TIAM2: variants seen among roughly 807,000 people sequenced by gnomAD.
TIAM2 encodes rho guanine nucleotide exchange factor TIAM2.
A neutral mutation model predicts 152.9 loss-of-function variants in TIAM2; 80 were observed. The observed-to-expected ratio is 0.52, with a 90% confidence interval of 0.44 to 0.63. The LOEUF (loss-of-function observed/expected upper bound fraction) is 0.63, where lower values mean the gene tolerates loss of function less well. TIAM2 is among the 30% of genes least tolerant of loss of function. The pLI is 0.00. For synonymous variants in TIAM2, 804 were observed against 838.0 expected, an observed-to-expected ratio of 0.96 and a Z score of 0.70; for missense variants, 1,965 against 2,120.1, an observed-to-expected ratio of 0.93 and a Z score of 1.44.
At position 155,183,506 on chromosome 6, in the gene TIAM2, G is replaced by A. The variant is rs185902537; in HGVS notation, c.3064+6G>A. On this transcript the variant is annotated splice_donor_region_variant and intron_variant, in intron 14 of 26. Transcript: ENST00000682666. ...TAAAAAGAATACAGCCAATGGTAAG[G>A]CTTTGTTCTGTCTTCCTTCTTAACT... The A allele has an allele frequency of 1.0e-3, 1,642 of 1,602,216 alleles. 37 individuals carry two copies. In the Admixed American group the frequency reaches 0.027, roughly 26 times the overall value.
At chr6:155,147,058 A>G (rs1779834920) in intron 6 of TIAM2, among the ~76,000 whole-genome samples, 1 of 152,096 alleles carries the variant, frequency 6.6e-6, no homozygotes, top group Non-Finnish European at 1.5e-5. Context: ...TTTTATACAA[A>G]TAGTATGTGG....
intron 15 of TIAM2, among the ~76,000 whole-genome samples, chr6:155,230,340 G>C (rs992678881): frequency 6.6e-6 from 1 of 152,168 alleles, no homozygotes; most frequent in Non-Finnish European, 1.5e-5. Context: ...TTCAATTCCT[G>C]ACACACTCTG....
intron 7 of TIAM2, among the ~76,000 whole-genome samples, chr6:155,159,672 C>A (rs1054733709): frequency 4.6e-5 from 7 of 152,186 alleles, no homozygotes; most frequent in East Asian, 1.9e-4. Flanking sequence ...CTCTAAGGAA[C>A]CCGAGCTTCT....
chr6:155,229,010 A>G (rs2115262825), intron 15 of TIAM2, among the ~76,000 whole-genome samples: 1 of 152,326 alleles, frequency 6.6e-6, no homozygotes, highest in African/African-American at 2.4e-5. Flanking sequence ...CTGCCTTCTC[A>G]GGAAAGTATG....
intron 14 of TIAM2, among the ~76,000 whole-genome samples, chr6:155,195,852 T>C (rs2115175230): frequency 6.6e-6 from 1 of 152,302 alleles, no homozygotes; most frequent in South Asian, 2.1e-4. Context: ...CGATGTGGCC[T>C]GTTTTTCGGC....
intron 1 of TIAM2, among the ~76,000 whole-genome samples, chr6:155,086,963 T>TAAGTGAGTTCTAGTAAAGGAGAC (rs1778183804): frequency 6.6e-6 from 1 of 152,076 alleles, no homozygotes; most frequent in South Asian, 2.1e-4. Flanking sequence ...AGGGGAAAGG[T>TAAGTGAGTTCTAGTAAAGGAGAC]AAGTGAGTTC....
chr6:155,017,221 A>G (rs1286925686), intron 1 of TIAM2, among the ~76,000 whole-genome samples: 1 of 152,156 alleles, frequency 6.6e-6, no homozygotes, highest in African/African-American at 2.4e-5. Context: ...TTTACTTTCT[A>G]TAGGCTAATA....
intron 1 of TIAM2, among the ~76,000 whole-genome samples, chr6:155,047,402 A>T (rs1777200541): frequency 6.6e-6 from 1 of 151,872 alleles, no homozygotes; most frequent in African/African-American, 2.4e-5. Flanking sequence ...CTGGTCTCGA[A>T]CTCCTGACCT....
At chr6:155,120,706 A>T (rs528420816) in intron 2 of TIAM2, among the ~76,000 whole-genome samples, 6 of 152,308 alleles carry the variant, frequency 3.9e-5, no homozygotes, top group African/African-American at 1.4e-4. Context: ...AACTACTGAC[A>T]TATTAGGCCA....
At chr6:155,201,603 A>C (rs910992131) in intron 14 of TIAM2, among the ~76,000 whole-genome samples, 2 of 152,198 alleles carry the variant, frequency 1.3e-5, no homozygotes, top group Admixed American at 1.3e-4. Flanking sequence ...TCACTGCCAT[A>C]GCCTGCCTGG....
chr6:155,106,021 T>TA (rs57551120), intron 2 of TIAM2, among the ~76,000 whole-genome samples: 2 of 149,848 alleles, frequency 1.3e-5, no homozygotes, highest in Non-Finnish European at 3.0e-5. Flanking sequence ...TATTTTATTT[T>TA]TTTGAGAGAG....
chr6:155,055,047 G>T (rs114873788), intron 1 of TIAM2, among the ~76,000 whole-genome samples: 1,605 of 152,262 alleles, frequency 0.011, 27 homozygotes, highest in African/African-American at 0.037. Flanking sequence ...ATGATTTTTG[G>T]CTGTGGAACT....
intron 14 of TIAM2, among the ~76,000 whole-genome samples, chr6:155,202,757 G>T (rs1056351395): frequency 6.6e-6 from 1 of 151,658 alleles, no homozygotes; most frequent in Admixed American, 6.6e-5. Flanking sequence ...AGAGATTCTG[G>T]CTGGGTGCCA....
At position 155,240,706 on chromosome 6, in the gene TIAM2, G is replaced by C; in HGVS notation, c.3345G>C (p.Val1115=). Residue 1115 remains valine (V), a synonymous_variant, in exon 16 of 27, where the codon GTG becomes GTC. Coordinates refer to ENST00000682666, the MANE Select transcript of TIAM2 (RefSeq NM_012454.4). The part of the protein sequence containing the change: ...QELVDTEKSY[V]KDLSCLFELY... ...TTGTGGACACAGAGAAGTCCTACGT[G>C]AAGGTAAGGGAAGAGCTGGCATTTA... 1.2e-6 allele frequency: 2 copies of C among 1,608,638 alleles called. No individual in the cohort carries two copies. The highest frequency in any genetic ancestry group is 1.7e-6 in the Non-Finnish European group (2 of 1,177,870).
intron 1 of TIAM2, among the ~76,000 whole-genome samples, chr6:155,052,853 C>T (rs1256543936): frequency 6.6e-6 from 1 of 151,416 alleles, no homozygotes; most frequent in African/African-American, 2.4e-5. Flanking sequence ...ATGTGATTAG[C>T]CATACGTTTT....
At chr6:155,221,645 C>T (rs1782049887) in intron 15 of TIAM2, among the ~76,000 whole-genome samples, 1 of 152,184 alleles carries the variant, frequency 6.6e-6, no homozygotes, top group Non-Finnish European at 1.5e-5. Context: ...TAAGGGACCT[C>T]TTGCCAGAGC....
chr6:155,202,746 G>T (rs1345694260), intron 14 of TIAM2, among the ~76,000 whole-genome samples: 1 of 151,682 alleles, frequency 6.6e-6, no homozygotes, highest in Non-Finnish European at 1.5e-5. Context: ...AATTTAAAAG[G>T]AGAGATTCTG....
chr6:155,108,942 A>G (rs1182522661), intron 2 of TIAM2, among the ~76,000 whole-genome samples: 1 of 152,166 alleles, frequency 6.6e-6, no homozygotes, highest in East Asian at 1.9e-4. Flanking sequence ...TTATGTGATT[A>G]TAATAAATCA....
chr6:155,171,121 C>CTT (rs1780576869), intron 9 of TIAM2, among the ~76,000 whole-genome samples: 2 of 152,192 alleles, frequency 1.3e-5, no homozygotes, highest in African/African-American at 2.4e-5. Context: ...TTCTATAACA[C>CTT]AGAAAGGCTG....
Sources: gnomAD v4.1 joint callset for allele counts (sites outside exome capture counted in the v4.1 genomes callset) on GRCh38, gnomAD v4.1.1 for gene constraint, MANE v1.5 for transcripts, NCBI Gene and HGNC (gene_info 2026-07-23, HGNC 2026-07-21) for gene names.